The following ANKRD44 variants were observed in gnomAD, a reference collection of about 807,000 sequenced individuals.
ANKRD44 encodes the protein ankyrin repeat domain 44, also known as serine/threonine-protein phosphatase 6 regulatory ankyrin repeat subunit B.
Under a neutral mutation model 116.0 loss-of-function variants are expected in ANKRD44, and 35 were observed. That is an observed-to-expected ratio of 0.30 (90% CI 0.23 to 0.40). The LOEUF is 0.40. ANKRD44 is among the 10% of genes least tolerant of loss of function. The pLI, the probability that ANKRD44 is intolerant of heterozygous loss-of-function variation, is 1.00. For synonymous variants in ANKRD44, 435 were observed against 461.8 expected, an observed-to-expected ratio of 0.94 and a Z score of 0.74; for missense variants, 1,014 against 1,242.6, an observed-to-expected ratio of 0.82 and a Z score of 2.77.
chr2:197,242,534 A>G lies in ANKRD44; in HGVS notation c.28-55428T>C, dbSNP rs542424903. On this transcript the variant is annotated intron_variant, in intron 1 of 27. Coordinates refer to ENST00000282272, the MANE Select transcript of ANKRD44 (RefSeq NM_001195144.2). ...TCTTGCTAAAACATTTCTATCCCCA[A>G]TTATAACCACAATGACTAGATTAAA... Among the ~76,000 whole-genome samples, 9 of 152,132 alleles carry G rather than the reference A, an allele frequency of 5.9e-5. No homozygotes were observed. The South Asian group carries it at 1.4e-3, about 25-fold the overall frequency.
intron 1 of ANKRD44, among the ~76,000 whole-genome samples, chr2:197,290,818 T>C (rs2083546052): frequency 6.6e-6 from 1 of 152,108 alleles, no homozygotes; most frequent in African/African-American, 2.4e-5. Context: ...GTTTTTTGTT[T>C]TTGTTTTTGT....
At position 197,103,263 on chromosome 2, in the gene ANKRD44, A is replaced by G. The variant is rs991324950; in HGVS notation, c.986-3333T>C. ...AAAAAAAAAATTGGGGGAGGAATGT[A>G]TTAGTCTTTTATCATGTTTGGGTTT... On this transcript the variant is annotated intron_variant, in intron 9 of 27. Coordinates refer to ENST00000282272, the MANE Select transcript of ANKRD44 (RefSeq NM_001195144.2). Among the ~76,000 whole-genome samples the G allele has an allele frequency of 2.7e-5, 4 of 150,890 alleles. No homozygotes were observed. In the South Asian group the frequency reaches 8.3e-4, roughly 31 times the overall value.
At position 197,007,807 on chromosome 2, in the gene ANKRD44, C is replaced by T; in HGVS notation, c.2129G>A (p.Gly710Glu). 2 of 1,604,076 alleles carry T rather than the reference C, an allele frequency of 1.2e-6. No individual in the cohort carries two copies. Among genetic ancestry groups the T allele is most frequent in the Non-Finnish European group, 1.7e-6 (2 of 1,171,432 alleles). Residue 710 changes from glycine (G) to glutamate (E), a missense_variant and splice_region_variant, in exon 20 of 28, where the codon GGG becomes GAG. By Grantham distance (98) the Gly-to-Glu change is moderately conservative. Transcript: ENST00000282272. ...TAGAGCTGAGAAAGATGTACATACC[C>T]CTCTGTGTAAAGCTGTGCATCCTAG... Reference protein sequence around the residue: ...DILGCTALHRGIMTGHEECVQ... With the variant: ...DILGCTALHREIMTGHEECVQ...
intron 16 of ANKRD44, among the ~76,000 whole-genome samples, chr2:197,050,877 T>A (rs562939299): frequency 2.6e-4 from 39 of 152,312 alleles, no homozygotes; most frequent in South Asian, 1.0e-3. Flanking sequence ...TTACCCTTGG[T>A]TATTCTCAGC....
At chr2:197,293,632 G>A (rs1253028076) in intron 1 of ANKRD44, among the ~76,000 whole-genome samples, 1 of 152,118 alleles carries the variant, frequency 6.6e-6, no homozygotes, top group African/African-American at 2.4e-5. Flanking sequence ...ATGAGGGCAT[G>A]GGAAAGCCTT....
Position 197,084,112 on chromosome 2 carries a change from C to G in ANKRD44, c.1317-603G>C, listed in dbSNP as rs183463008. ...CATGTTCTAAAACCTTTGGTTCTCT[C>G]TACTAACCAATACTTGATTCCTCAG... On this transcript the variant is annotated intron_variant, in intron 13 of 27. Transcript: ENST00000282272. 3.4e-3 allele frequency among the ~76,000 whole-genome samples: 515 copies of G among 152,304 alleles called. 6 individuals carry two copies. The highest frequency in any genetic ancestry group is 4.6e-3 in the Non-Finnish European group (310 of 68,022).
chr2:197,118,854 G>C (rs1157952103), intron 8 of ANKRD44, among the ~76,000 whole-genome samples: 6 of 152,034 alleles, frequency 3.9e-5, no homozygotes, highest in Non-Finnish European at 8.8e-5. Flanking sequence ...GATAATACTA[G>C]GTGTTATTAG....
intron 4 of ANKRD44, among the ~76,000 whole-genome samples, chr2:197,127,605 G>C (rs1035105154): frequency 3.6e-4 from 55 of 152,084 alleles, no homozygotes; most frequent in Non-Finnish European, 2.4e-4. Context: ...CTAATGTGGG[G>C]GAAGGGAAGC....
At chr2:197,284,849 G>C (rs573309962) in intron 1 of ANKRD44, among the ~76,000 whole-genome samples, 2 of 150,076 alleles carry the variant, frequency 1.3e-5, no homozygotes, top group East Asian at 3.9e-4. Flanking sequence ...TTACACCACT[G>C]TACCCCAGCC....
chr2:196,972,628 T>G (rs2075723673), intron 21 of ANKRD44, among the ~76,000 whole-genome samples: 1 of 152,262 alleles, frequency 6.6e-6, no homozygotes, highest in African/African-American at 2.4e-5. Flanking sequence ...AGTTTAAGTA[T>G]ATAATAGCTG....
chr2:197,187,218 T>C (rs1297320164), intron 1 of ANKRD44, 112 bp from the exon 2 acceptor site: 1 of 1,058,058 alleles, frequency 9.5e-7, no homozygotes, highest in African/African-American at 1.6e-5. Flanking sequence ...CATTATCAGT[T>C]GGCAGACAAA....
chr2:197,150,783 A>G (rs2079625550), intron 2 of ANKRD44, among the ~76,000 whole-genome samples: 1 of 152,174 alleles, frequency 6.6e-6, no homozygotes, highest in Admixed American at 6.5e-5. Context: ...TCAATACACC[A>G]GGGGCTTGGG....
rs553452823 is a variant in ANKRD44 at position 197,011,675 on chromosome 2, GT to G, written c.1924+1835del. ...TTTAGAAGAGATGGGGTTTCACCTT[GT>G]TGGCCAGGCTGGTCTCGAACTCCTG... On this transcript the variant is annotated intron_variant, in intron 18 of 27. Coordinates refer to ENST00000282272, the MANE Select transcript of ANKRD44 (RefSeq NM_001195144.2). 2.0e-4 allele frequency among the ~76,000 whole-genome samples: 30 copies of G among 152,160 alleles called. No individual in the cohort carries two copies. The South Asian group carries it at 6.2e-3, about 32-fold the overall frequency.
Position 197,084,268 on chromosome 2 carries a change from C to A in ANKRD44, c.1317-759G>T, listed in dbSNP as rs982044036. On this transcript the variant is annotated intron_variant, in intron 13 of 27. Transcript: ENST00000282272. ...TTCTGGATCATGTCCCTACATCCCC[C>A]CTACCTTTGTCCAGGTTGGTTTAGC... Among the ~76,000 whole-genome samples the A allele has an allele frequency of 4.6e-5, 7 of 152,260 alleles. No homozygotes were observed. The East Asian group carries it at 1.4e-3, about 29-fold the overall frequency.
chr2:197,288,019 CAAAA>C (rs10666895), intron 1 of ANKRD44, among the ~76,000 whole-genome samples: 5 of 81,802 alleles, frequency 6.1e-5, no homozygotes, highest in East Asian at 3.3e-4. Flanking sequence ...GACTCAGTCT[CAAAA>C]AAAAAAAAAA....
chr2:197,210,694 TA>T (rs1220303693), intron 1 of ANKRD44, among the ~76,000 whole-genome samples: 1 of 142,378 alleles, frequency 7.0e-6, no homozygotes. Context: ...TTGGAGAGAT[TA>T]GGGGGCCACG....
intron 16 of ANKRD44, among the ~76,000 whole-genome samples, chr2:197,060,059 C>T (rs2077278270): frequency 6.6e-6 from 1 of 152,080 alleles, no homozygotes; most frequent in African/African-American, 2.4e-5. Context: ...CATGCTGTCC[C>T]CTAAAGTCTC....
chr2:197,139,897 T>A (rs10201853), intron 3 of ANKRD44, among the ~76,000 whole-genome samples: 8,008 of 131,336 alleles, frequency 0.061, 729 homozygotes, highest in African/African-American at 0.2. Context: ...TGTGTGTGTG[T>A]GAAACGGAGT....
intron 21 of ANKRD44, among the ~76,000 whole-genome samples, chr2:196,970,860 C>G (rs184478452): frequency 1.2e-3 from 182 of 152,168 alleles, no homozygotes; most frequent in Middle Eastern, 3.4e-3. Context: ...TGCCACCACA[C>G]CTGGCTAATT....
Sources: gnomAD v4.1 joint callset for allele counts (sites outside exome capture counted in the v4.1 genomes callset) on GRCh38, gnomAD v4.1.1 for gene constraint, MANE v1.5 for transcripts, NCBI Gene and HGNC (gene_info 2026-07-23, HGNC 2026-07-21) for gene names.